Variants in RNF214 observed in about 807,000 individuals in gnomAD.
The protein encoded by RNF214 is ring finger protein 214.
In RNF214, 25 loss-of-function variants were observed where a neutral mutation model predicts 75.9. The ratio of observed to expected loss-of-function variants is 0.33; its 90% CI spans 0.24 to 0.46. RNF214 has a LOEUF of 0.46. Among genes scored for constraint, RNF214 ranks in the 20% least tolerant of loss-of-function variants. RNF214 has a pLI of 1.00. For missense variants in RNF214, 725 were observed against 857.5 expected, an observed-to-expected ratio of 0.85 and a Z score of 1.93; for synonymous variants, 314 against 308.8, an observed-to-expected ratio of 1.02 and a Z score of -0.18.
chr11:117,268,328 A>G (rs1435974791), intron 6 of RNF214, among the ~76,000 whole-genome samples: 1 of 152,200 alleles, frequency 6.6e-6, no homozygotes, highest in Non-Finnish European at 1.5e-5. Context: ...TGATGTTTGC[A>G]TTTCAAAAAG....
chr11:117,251,169 C>T (rs1053580278), intron 6 of RNF214, among the ~76,000 whole-genome samples: 6 of 148,732 alleles, frequency 4.0e-5, no homozygotes, highest in African/African-American at 1.5e-4. Context: ...CAGAGGGGCT[C>T]CTCACTTCCC....
intron 2 of RNF214, among the ~76,000 whole-genome samples, chr11:117,236,147 G>C (rs1325358689): frequency 1.3e-5 from 2 of 151,964 alleles, no homozygotes; most frequent in African/African-American, 2.4e-5. Flanking sequence ...TTTTAGTGGA[G>C]ACCGGGTTTC....
At position 117,244,395 on chromosome 11, in the gene RNF214, T is replaced by A. The variant is rs371056152; in HGVS notation, c.679-50T>A. On this transcript the variant is annotated intron_variant, in intron 4 of 14. Coordinates refer to ENST00000300650, the MANE Select transcript of RNF214 (RefSeq NM_207343.4). Reference sequence around the variant, plus strand: ...GCCTTGGACAGGCACTGGTGAATGTTTCTTGTGATTAAATTAGGAAATAAG... The same window carrying A: ...GCCTTGGACAGGCACTGGTGAATGTATCTTGTGATTAAATTAGGAAATAAG... The A allele has an allele frequency of 1.6e-5, 24 of 1,534,524 alleles. No individual in the cohort carries two copies. In the African/African-American group the frequency reaches 3.0e-4, roughly 19 times the overall value.
At position 117,239,112 on chromosome 11, in the gene RNF214, G is replaced by T. The variant is rs1357883027; in HGVS notation, c.618+1G>T. 6.3e-7 allele frequency: 1 copy of T among 1,590,632 alleles called. No homozygotes were observed. The highest frequency in any genetic ancestry group is 8.6e-7 in the Non-Finnish European group (1 of 1,166,774). ...GCTTTCTCAGAACATTGCTGTACAG[G>T]TCAAGTGTCAAGTTTCTACTACTAA... On this transcript the variant is annotated splice_donor_variant, in intron 3 of 14. Coordinates refer to ENST00000300650, the MANE Select transcript of RNF214 (RefSeq NM_207343.4). LOFTEE classifies it high-confidence loss of function.
Position 117,282,434 on chromosome 11 carries a change from C to G in RNF214, c.1743C>G (p.Ile581Met). 1 of 1,614,136 alleles carries G rather than the reference C, an allele frequency of 6.2e-7. No homozygotes were observed. Residue 581 changes from isoleucine (I) to methionine (M), a missense_variant, in exon 12 of 15, where the codon ATC becomes ATG. Coordinates refer to ENST00000300650, the MANE Select transcript of RNF214 (RefSeq NM_207343.4). ...AGATGACCAACATTCTTCAGCAGAT[C>G]AAGACAGCACGTACCACCATGGCAG... ...KAQMTNILQQ[I>M]KTARTTMAGL...
At chr11:117,239,971 C>T (rs2033025873) in intron 4 of RNF214, 111 bp downstream of exon 4, 2 of 636,578 alleles carry the variant, frequency 3.1e-6, no homozygotes, top group South Asian at 3.7e-5. Context: ...AAATTCCTGA[C>T]AGATGGTCAG....
intron 4 of RNF214, among the ~76,000 whole-genome samples, chr11:117,244,174 T>G (rs1591820133): frequency 6.6e-6 from 1 of 151,962 alleles, no homozygotes. Context: ...AGAGTCCAGG[T>G]TTTGCCATGT....
At chr11:117,235,495 C>A (rs2032878508) in intron 2 of RNF214, among the ~76,000 whole-genome samples, 1 of 120,640 alleles carries the variant, frequency 8.3e-6, no homozygotes, top group Admixed American at 9.1e-5. Context: ...CACGCCCAGC[C>A]TTTTTTTTTT....
intron 5 of RNF214, 81 bp from the exon 6 acceptor site, chr11:117,246,728 A>G (rs2033235409): frequency 7.5e-7 from 1 of 1,334,206 alleles, no homozygotes; most frequent in Non-Finnish European, 1.0e-6. Flanking sequence ...AATTTGTGAT[A>G]GTTGAAAATA....
intron 6 of RNF214, among the ~76,000 whole-genome samples, chr11:117,269,174 G>A (rs540882845): frequency 2.6e-5 from 4 of 152,196 alleles, no homozygotes; most frequent in South Asian, 4.2e-4. Context: ...GAGTCTGAGG[G>A]AGGAGGATTG....
chr11:117,237,133 A>T (rs939060865), intron 2 of RNF214, among the ~76,000 whole-genome samples: 12 of 152,196 alleles, frequency 7.9e-5, no homozygotes. Context: ...AGGCTGGAGT[A>T]CAGTGGTGCG....
At chr11:117,235,258 G>A (rs540094709) in intron 2 of RNF214, among the ~76,000 whole-genome samples, 2 of 152,044 alleles carry the variant, frequency 1.3e-5, no homozygotes, top group South Asian at 2.1e-4. Flanking sequence ...GTGCAGTGGC[G>A]CGATCTCGGC....
At chr11:117,269,294 G>A (rs2033859431) in intron 6 of RNF214, among the ~76,000 whole-genome samples, 1 of 152,154 alleles carries the variant, frequency 6.6e-6, no homozygotes, top group Admixed American at 6.5e-5. Flanking sequence ...AATGGCCTGG[G>A]ACAAGGTTCT....
chr11:117,261,474 G>A (rs2033660410), intron 6 of RNF214, among the ~76,000 whole-genome samples: 1 of 152,080 alleles, frequency 6.6e-6, no homozygotes, highest in Admixed American at 6.6e-5. Flanking sequence ...CAGCTACTCA[G>A]GAGGCTGAGC....
chr11:117,233,192 A>T (rs1016285044), intron 1 of RNF214, among the ~76,000 whole-genome samples: 2 of 152,150 alleles, frequency 1.3e-5, no homozygotes, highest in African/African-American at 4.8e-5. Flanking sequence ...AGTTGCATGC[A>T]TGGCCCTTGT....
At chr11:117,266,228 T>C (rs1485551672) in intron 6 of RNF214, among the ~76,000 whole-genome samples, 2 of 152,234 alleles carry the variant, frequency 1.3e-5, no homozygotes, top group African/African-American at 4.8e-5. Flanking sequence ...TTTCCACTTA[T>C]CTTTAGTTTT....
At chr11:117,241,368 T>G (rs899765154) in intron 4 of RNF214, among the ~76,000 whole-genome samples, 6 of 151,428 alleles carry the variant, frequency 4.0e-5, no homozygotes, top group African/African-American at 1.5e-4. Flanking sequence ...GATCACGAGG[T>G]CAAGAGATTG....
chr11:117,241,270 G>A (rs2134359878), intron 4 of RNF214, among the ~76,000 whole-genome samples: 1 of 151,886 alleles, frequency 6.6e-6, no homozygotes, highest in South Asian at 2.1e-4. Flanking sequence ...GAACCCAGGA[G>A]GCTGAGGTGG....
chr11:117,259,472 C>T (rs1294334309), intron 6 of RNF214, among the ~76,000 whole-genome samples: 1 of 152,136 alleles, frequency 6.6e-6, no homozygotes, highest in Non-Finnish European at 1.5e-5. Context: ...GATGTATGAA[C>T]AGTTTTATAA....
Sources: gnomAD v4.1 joint callset for allele counts (sites outside exome capture counted in the v4.1 genomes callset) on GRCh38, gnomAD v4.1.1 for gene constraint, MANE v1.5 for transcripts, NCBI Gene and HGNC (gene_info 2026-07-23, HGNC 2026-07-21) for gene names.